The following VWA3A variants were observed in gnomAD, a reference collection of about 807,000 sequenced individuals.
VWA3A encodes the protein von Willebrand factor A domain-containing protein 3A.
Under a neutral mutation model 160.4 loss-of-function variants are expected in VWA3A, and 134 were observed. The ratio of observed to expected loss-of-function variants is 0.84; its 90% confidence interval spans 0.73 to 0.96. VWA3A has a LOEUF of 0.96. Among genes scored for constraint, VWA3A ranks in the 40% least tolerant of loss-of-function variants. VWA3A has a pLI of 0.00. For synonymous variants in VWA3A, 476 were observed against 543.4 expected (o/e 0.88, Z 1.72); for missense variants, 1,310 against 1,447.9 (o/e 0.90, Z 1.55).
intron 26 of VWA3A, among the ~76,000 whole-genome samples, chr16:22,145,593 C>T (rs898200212): frequency 2.7e-5 from 4 of 150,596 alleles, no homozygotes; most frequent in African/African-American, 7.3e-5. Context: ...GAGCCGAGAT[C>T]GCACCACTGC....
chr16:22,146,989 T>C (rs2046264629), intron 27 of VWA3A, among the ~76,000 whole-genome samples: 1 of 152,176 alleles, frequency 6.6e-6, no homozygotes, highest in African/African-American at 2.4e-5. Context: ...CCCCTGGAGA[T>C]GCAGATGGTA....
At chr16:22,148,027 G>A in intron 27 of VWA3A, 135 bp from the exon 28 acceptor site, 1 of 1,159,286 alleles carries the variant, frequency 8.6e-7, no homozygotes, top group Non-Finnish European at 1.2e-6. Context: ...TCTCAGTGGG[G>A]TGACATCCAA....
intron 6 of VWA3A, among the ~76,000 whole-genome samples, chr16:22,104,350 G>A (rs779765440): frequency 1.2e-4 from 18 of 152,180 alleles, no homozygotes; most frequent in African/African-American, 4.1e-4. Context: ...TTACCTGGGC[G>A]TGGTCGTGCA....
chr16:22,100,354 T>G, intron 4 of VWA3A, 36 bp downstream of exon 4: 1 of 1,551,576 alleles, frequency 6.4e-7, no homozygotes, highest in Non-Finnish European at 8.7e-7. Flanking sequence ...CCCCCACAGC[T>G]GCAGTGACAC....
intron 12 of VWA3A, 124 bp downstream of exon 12, chr16:22,119,151 C>A: frequency 1.5e-6 from 2 of 1,326,032 alleles, no homozygotes; most frequent in Non-Finnish European, 2.0e-6. Flanking sequence ...AAAATCGAAA[C>A]AAGGCAAGGC....
At chr16:22,147,198 A>AT (rs2046269452) in intron 27 of VWA3A, among the ~76,000 whole-genome samples, 1 of 151,670 alleles carries the variant, frequency 6.6e-6, no homozygotes, top group South Asian at 2.1e-4. Flanking sequence ...TACTTTATTT[A>AT]TTTTTTTTAG....
At chr16:22,130,875 A>G (rs1306439502) in intron 17 of VWA3A, among the ~76,000 whole-genome samples, 1 of 151,918 alleles carries the variant, frequency 6.6e-6, no homozygotes, top group Non-Finnish European at 1.5e-5. Flanking sequence ...GTATTTAAAA[A>G]AAAAAAACAA....
chr16:22,094,075 C>T (rs192821341), intron 1 of VWA3A, among the ~76,000 whole-genome samples: 3 of 152,196 alleles, frequency 2.0e-5, no homozygotes, highest in East Asian at 1.9e-4. Flanking sequence ...CACCCGGCCC[C>T]GTGCTTTTTC....
rs564353975 is a variant in VWA3A, at chr16:22,140,212, G to A, written c.2351G>A (p.Arg784His). The A allele has an allele frequency of 4.7e-5, 76 of 1,613,642 alleles. 1 individual carries two copies. The Middle Eastern group carries it at 2.6e-3, about 56-fold the overall frequency. The change falls in exon 23 of 34, where the codon CGT becomes CAT. Residue 784 changes from arginine (R) to histidine (H), a missense_variant. By Grantham distance (29) the Arg-to-His change is conservative (BLOSUM62 0). Transcript: ENST00000389398. ...CCCCCGCTGAAATCTCTGAAATGGC[G>A]TCCACTCAGTAGCAGAGTTGGCATC... Reference protein sequence around the residue: ...KSPPLKSLKWRPLSSRVGISP... With the variant: ...KSPPLKSLKWHPLSSRVGISP...
chr16:22,131,766 G>A (rs1334794441), intron 19 of VWA3A, 37 bp downstream of exon 19: 2 of 1,589,160 alleles, frequency 1.3e-6, no homozygotes, highest in African/African-American at 1.3e-5. Context: ...ATTATCCTTT[G>A]CGACCTCATC....
intron 11 of VWA3A, among the ~76,000 whole-genome samples, chr16:22,117,875 T>C (rs1470973038): frequency 7.2e-5 from 11 of 152,204 alleles, no homozygotes; most frequent in African/African-American, 2.7e-4. Flanking sequence ...GGCAGCACTC[T>C]ATCTTGATAC....
intron 1 of VWA3A, among the ~76,000 whole-genome samples, 192 bp from the exon 2 acceptor site, chr16:22,096,667 C>G (rs955879914): frequency 6.6e-6 from 1 of 151,906 alleles, no homozygotes; most frequent in Non-Finnish European, 1.5e-5. Flanking sequence ...ATTGCTTGAG[C>G]CTGGGAGGTC....
At position 22,126,880 on chromosome 16, in the gene VWA3A, A is replaced by C. The variant is rs2045858724; in HGVS notation, c.1652+583A>C. Among the ~76,000 whole-genome samples, 3 of 151,554 alleles carry C rather than the reference A, an allele frequency of 2.0e-5. No individual in the cohort carries two copies. The South Asian group carries it at 6.2e-4, about 31-fold the overall frequency. ...AAATAAAATTATATGTATACATTTA[A>C]TTATGTGTATATATATATAAATGGT... On this transcript the variant is annotated intron_variant, in intron 17 of 33. Transcript: ENST00000389398.
At chr16:22,150,895 A>G in intron 30 of VWA3A, 49 bp downstream of exon 30, 1 of 1,567,124 alleles carries the variant, frequency 6.4e-7, no homozygotes, top group Non-Finnish European at 8.7e-7. Flanking sequence ...CCACAGCCAC[A>G]CATCTCAGCA....
intron 17 of VWA3A, among the ~76,000 whole-genome samples, chr16:22,130,769 A>G (rs548347423): frequency 2.0e-5 from 3 of 152,058 alleles, no homozygotes; most frequent in African/African-American, 4.8e-5. Context: ...ATACCCAGCT[A>G]ATTTTTTTTA....
At chr16:22,099,295 C>G (rs1398270344) in intron 3 of VWA3A, among the ~76,000 whole-genome samples, 1 of 152,180 alleles carries the variant, frequency 6.6e-6, no homozygotes, top group Non-Finnish European at 1.5e-5. Context: ...AGAAAGTAAT[C>G]TTGCCCGTCA....
chr16:22,118,994 C>T lies in VWA3A; in HGVS notation c.1083C>T (p.Ser361=). 1 of 1,613,612 alleles carries T rather than the reference C, an allele frequency of 6.2e-7. No homozygotes were observed. Among genetic ancestry groups the T allele is most frequent in the Non-Finnish European group, 8.5e-7 (1 of 1,179,708 alleles). The stretch of plus-strand genomic sequence containing the variant: ...ACGTGCAAGCCCTGCAGCACAGCAG[C>T]CCCTGTGAGGCGCTCACCTGCACCA... ...LSHVQALQHS[S]PCEALTCTME... The change falls in exon 12 of 34, where the codon AGC becomes AGT. Residue 361 remains serine, a synonymous_variant. Coordinates refer to ENST00000389398, the MANE Select transcript of VWA3A (RefSeq NM_173615.5).
At chr16:22,130,016 C>T (rs988998267) in intron 17 of VWA3A, among the ~76,000 whole-genome samples, 1 of 152,144 alleles carries the variant, frequency 6.6e-6, no homozygotes. Flanking sequence ...GGTGAAACCC[C>T]GTCTCTACTA....
At chr16:22,138,651 GC>G in intron 22 of VWA3A, 139 bp downstream of exon 22, 1 of 1,169,566 alleles carries the variant, frequency 8.6e-7, no homozygotes, top group Non-Finnish European at 1.2e-6. Context: ...GGTGCCTCTT[GC>G]CCAGGCCTCC....
Sources: allele counts gnomAD v4.1 joint callset (sites outside exome capture counted in the v4.1 genomes callset), GRCh38; gene constraint gnomAD v4.1.1; transcripts MANE v1.5; gene names NCBI Gene and HGNC (gene_info 2026-07-23, HGNC 2026-07-21).